LRP1B: variants seen among roughly 807,000 people sequenced by gnomAD.
LRP1B encodes LDL receptor related protein 1B.
In LRP1B, 217 loss-of-function variants were observed where a neutral mutation model predicts 556.6. The ratio of observed to expected loss-of-function variants is 0.39; its 90% CI spans 0.35 to 0.44. The LOEUF (loss-of-function observed/expected upper bound fraction) is 0.44. Among genes scored for constraint, LRP1B ranks in the 20% least tolerant of loss-of-function variants. LRP1B has a pLI of 1.00. For synonymous variants in LRP1B, 2,047 were observed against 1,865.8 expected, an observed-to-expected ratio of 1.10 and a Z score of -2.50; for missense variants, 5,053 against 5,620.8, an observed-to-expected ratio of 0.90 and a Z score of 3.23.
intron 66 of LRP1B, among the ~76,000 whole-genome samples, chr2:140,422,856 T>C (rs1244238764): frequency 6.6e-6 from 1 of 152,214 alleles, no homozygotes; most frequent in Non-Finnish European, 1.5e-5. Flanking sequence ...GGAATATATG[T>C]ACTCTAGATG....
intron 7 of LRP1B, among the ~76,000 whole-genome samples, chr2:141,121,771 C>T (rs1190273635): frequency 2.2e-5 from 3 of 138,506 alleles, no homozygotes; most frequent in East Asian, 2.5e-4. Context: ...CATATGGAAC[C>T]AAAAAAGAGC....
chr2:141,909,560 T>TA (rs1491360498), intron 1 of LRP1B, among the ~76,000 whole-genome samples: 124 of 95,026 alleles, frequency 1.3e-3, no homozygotes, highest in Admixed American at 2.7e-3. Context: ...TTTTTTTTTT[T>TA]ACCTCTGGAG....
At chr2:140,571,644 T>A (rs1394236926) in intron 43 of LRP1B, among the ~76,000 whole-genome samples, 1 of 151,460 alleles carries the variant, frequency 6.6e-6, no homozygotes, top group Non-Finnish European at 1.5e-5. Context: ...TTTACAGAAA[T>A]AGAAAGAACC....
In LRP1B at chr2:141,763,911, A is replaced by T. The variant is rs10164835; in HGVS notation, c.205+46368T>A. Among the ~76,000 whole-genome samples, 1,121 of 152,222 alleles carry T rather than the reference A, an allele frequency of 7.4e-3. 16 individuals carry two copies. The highest frequency in any genetic ancestry group is 0.025 in the African/African-American group (1,036 of 41,550). ...TCCTGAAGGAAGAGAATAATATATC[A>T]ACAATGGTAACCTCTGGGTGATGGT... On this transcript the variant is annotated intron_variant, in intron 2 of 90. Coordinates refer to ENST00000389484, the MANE Select transcript of LRP1B (RefSeq NM_018557.3).
chr2:140,842,606 CTT>C (rs565024821), intron 29 of LRP1B, among the ~76,000 whole-genome samples: 1 of 146,066 alleles, frequency 6.8e-6, no homozygotes. Flanking sequence ...CCAATTTCAT[CTT>C]TTTTTTTTTA....
At chr2:141,784,757 G>A (rs1482153442) in intron 2 of LRP1B, among the ~76,000 whole-genome samples, 1 of 151,740 alleles carries the variant, frequency 6.6e-6, no homozygotes, top group Non-Finnish European at 1.5e-5. Flanking sequence ...ATAGAACATG[G>A]TAATTTATAA....
At chr2:140,549,686 C>T (rs1183769866) in intron 43 of LRP1B, among the ~76,000 whole-genome samples, 7 of 152,158 alleles carry the variant, frequency 4.6e-5, no homozygotes, top group Non-Finnish European at 8.8e-5. Context: ...GCTGTCAACA[C>T]GCTAGGTACG....
At chr2:141,052,245 A>T (rs1258022740) in intron 10 of LRP1B, among the ~76,000 whole-genome samples, 1 of 151,998 alleles carries the variant, frequency 6.6e-6, no homozygotes, top group African/African-American at 2.4e-5. Context: ...TTAAAATAAT[A>T]CTTTATATTA....
At chr2:142,038,494 C>A (rs1562705) in intron 1 of LRP1B, among the ~76,000 whole-genome samples, 111,332 of 151,386 alleles carry the variant, frequency 0.74, 42,211 homozygotes, top group East Asian at 0.98. Context: ...CAATAGTGAA[C>A]AACTAGAGGG....
chr2:140,512,970 A>G (rs183474160), intron 51 of LRP1B, among the ~76,000 whole-genome samples: 4 of 152,244 alleles, frequency 2.6e-5, no homozygotes, highest in African/African-American at 9.6e-5. Flanking sequence ...TAATTAACGT[A>G]AATAAGCTCA....
chr2:141,014,594 A>T lies in LRP1B; in HGVS notation c.2191-849T>A, dbSNP rs548336356. On this transcript the variant is annotated intron_variant, in intron 13 of 90. Transcript: ENST00000389484. The stretch of plus-strand genomic sequence containing the variant: ...AGAGAATTGAGAAAATTATCTAAAT[A>T]ATTTAGGGTCATAAATTTAAATTTT... Among the ~76,000 whole-genome samples, 84 of 152,222 alleles carry T rather than the reference A, an allele frequency of 5.5e-4. 2 individuals are homozygous for T. In the South Asian group the frequency reaches 0.017, roughly 31 times the overall value.
chr2:140,322,115 G>C (rs897526439), intron 81 of LRP1B, 27 bp from the exon 82 acceptor site: 1 of 1,603,728 alleles, frequency 6.2e-7, no homozygotes, highest in Admixed American at 1.7e-5. Flanking sequence ...AAACAAAGAA[G>C]TGTGTAAATA....
intron 16 of LRP1B, among the ~76,000 whole-genome samples, chr2:140,991,147 C>A (rs192713320): frequency 6.6e-6 from 1 of 151,866 alleles, no homozygotes; most frequent in African/African-American, 2.4e-5. Context: ...GAATAAATGC[C>A]GAGAGAAATA....
chr2:141,472,910 T>C (rs1682532871), intron 3 of LRP1B, among the ~76,000 whole-genome samples: 1 of 152,162 alleles, frequency 6.6e-6, no homozygotes. Context: ...TTAACATTCA[T>C]CAAAGATGTA....
chr2:140,234,616 T>C, intron 90 of LRP1B, 170 bp downstream of exon 90: 1 of 501,510 alleles, frequency 2.0e-6, no homozygotes, highest in South Asian at 3.3e-5. Context: ...TTAGATGTAA[T>C]CTTGCATAGA....
intron 11 of LRP1B, among the ~76,000 whole-genome samples, chr2:141,030,538 T>A (rs552781773): frequency 1.3e-5 from 2 of 152,274 alleles, no homozygotes; most frequent in African/African-American, 4.8e-5. Context: ...TAAAGATTTA[T>A]GAAAGCTCAT....
chr2:141,195,213 G>C (rs1418604629), intron 6 of LRP1B, among the ~76,000 whole-genome samples: 1 of 152,062 alleles, frequency 6.6e-6, no homozygotes, highest in Non-Finnish European at 1.5e-5. Flanking sequence ...CACCTGCCAT[G>C]CTATGAGGGC....
chr2:141,831,144 T>A (rs1197497280), intron 1 of LRP1B, among the ~76,000 whole-genome samples: 1 of 151,742 alleles, frequency 6.6e-6, no homozygotes, highest in African/African-American at 2.4e-5. Context: ...TTTATCCATC[T>A]TTGCTCTCCA....
intron 2 of LRP1B, among the ~76,000 whole-genome samples, chr2:141,507,838 C>T (rs751764547): frequency 1.3e-4 from 20 of 151,882 alleles, no homozygotes; most frequent in Admixed American, 2.0e-4. Context: ...GTCATCCCAG[C>T]GCTTTGGGAG....
Sources: allele counts gnomAD v4.1 joint callset (sites outside exome capture counted in the v4.1 genomes callset), GRCh38; gene constraint gnomAD v4.1.1; transcripts MANE v1.5; gene names NCBI Gene and HGNC (gene_info 2026-07-23, HGNC 2026-07-21).